DMTF1: variants seen among roughly 807,000 people sequenced by gnomAD.
The protein encoded by DMTF1 is cyclin-D-binding Myb-like transcription factor 1.
A neutral mutation model predicts 91.1 loss-of-function variants in DMTF1; 39 were observed. That is an observed-to-expected ratio of 0.43 (90% confidence interval 0.33 to 0.56). The LOEUF is 0.56. Ranked by LOEUF, DMTF1 falls within the 20% of genes least tolerant of loss-of-function variation. DMTF1 has a pLI of 0.05. For missense variants in DMTF1, 750 were observed against 914.5 expected (o/e 0.82, Z 2.32); for synonymous variants, 338 against 309.5 (o/e 1.09, Z -0.97).
At chr7:87,181,948 C>T (rs1797470822) in intron 9 of DMTF1, 1 of 1,261,294 alleles carries the variant, frequency 7.9e-7, no homozygotes, top group South Asian at 1.5e-5. Context: ...GAGATTGTGT[C>T]AGTAACCTGA....
intron 12 of DMTF1, chr7:87,186,667 C>A (rs953780233): frequency 7.2e-5 from 11 of 152,268 alleles, no homozygotes; most frequent in Non-Finnish European, 7.3e-5. Flanking sequence ...CATTGTGTTA[C>A]AGTTGCCTAC....
At chr7:87,165,522 T>C (rs1373441040) in intron 3 of DMTF1, among the ~76,000 whole-genome samples, 1 of 152,240 alleles carries the variant, frequency 6.6e-6, no homozygotes, top group Non-Finnish European at 1.5e-5. Context: ...TATTGTGCTC[T>C]GAAGTTCATC....
intron 1 of DMTF1, chr7:87,152,888 G>A (rs1307540503): frequency 2.6e-5 from 4 of 154,768 alleles, no homozygotes; most frequent in African/African-American, 9.6e-5. Context: ...GGGACCCCTG[G>A]GGGGTGGGGT....
intron 1 of DMTF1, among the ~76,000 whole-genome samples, chr7:87,159,094 T>C (rs1306612964): frequency 1.3e-5 from 2 of 152,148 alleles, no homozygotes; most frequent in Non-Finnish European, 2.9e-5. Context: ...TTCAGCCCAG[T>C]GTAACAAATT....
rs976194160 is a variant in DMTF1 at position 87,195,303 on chromosome 7, TA to T, written c.*166del. ...TGCTGCTATGACTTTTTACCTCCTTTAAACACATCATCTGAGGTTGAGTTTT... is the reference window on the plus strand; with the variant it reads ...TGCTGCTATGACTTTTTACCTCCTTTAACACATCATCTGAGGTTGAGTTTT... On this transcript the variant is annotated 3_prime_UTR_variant, in exon 18 of 18. Transcript: ENST00000331242. 1.3e-5 allele frequency: 7 copies of T among 558,766 alleles called. No individual in the cohort carries two copies. Among genetic ancestry groups the T allele is most frequent in the Non-Finnish European group, 2.2e-5 (7 of 314,048 alleles). The allele number at this position is 558,766 out of a possible 1,614,324, so 34.6% of individuals were successfully genotyped here.
At chr7:87,175,414 A>G (rs1796066194) in intron 7 of DMTF1, among the ~76,000 whole-genome samples, 1 of 152,070 alleles carries the variant, frequency 6.6e-6, no homozygotes, top group Non-Finnish European at 1.5e-5. Flanking sequence ...ATTCAGGTTT[A>G]TTTCTTATTA....
At chr7:87,164,730 C>A (rs189303019) in intron 2 of DMTF1, among the ~76,000 whole-genome samples, 1 of 152,270 alleles carries the variant, frequency 6.6e-6, no homozygotes, top group Non-Finnish European at 1.5e-5. Context: ...CAAACAGATT[C>A]TTTGAGATAT....
intron 3 of DMTF1, among the ~76,000 whole-genome samples, chr7:87,166,250 G>A (rs140924976): frequency 6.6e-6 from 1 of 152,248 alleles, no homozygotes; most frequent in East Asian, 1.9e-4. Flanking sequence ...TTTTCCCCGG[G>A]CTTCCCTTCT....
chr7:87,176,960 T>C (rs955634794), intron 7 of DMTF1, among the ~76,000 whole-genome samples: 2 of 152,124 alleles, frequency 1.3e-5, no homozygotes, highest in African/African-American at 4.8e-5. Flanking sequence ...ATCTTTCATC[T>C]CACTCTGTGG....
chr7:87,182,710 A>G (rs1400288260), intron 10 of DMTF1, among the ~76,000 whole-genome samples: 2 of 152,250 alleles, frequency 1.3e-5, no homozygotes, highest in African/African-American at 4.8e-5. Flanking sequence ...AGCAACAGCT[A>G]ATCAGTGAGT....
At chr7:87,163,936 G>C (rs1313265971) in intron 2 of DMTF1, among the ~76,000 whole-genome samples, 1 of 151,896 alleles carries the variant, frequency 6.6e-6, no homozygotes, top group East Asian at 1.9e-4. Context: ...CCAGCTATTC[G>C]GGTGGCTAAG....
rs765612067 is a variant in DMTF1 at position 87,193,313 on chromosome 7, C to G, written c.1610C>G (p.Ala537Gly). ...ASPTVTLTAA[A>G]PASPEQIIVH... ...CCCACAGTAACCCTGACAGCTGCTG[C>G]TCCTGCTTCTCCTGAACAGATTATT... The change falls in exon 15 of 18, where the codon GCT (alanine) becomes GGT (glycine). Residue 537 changes from alanine to glycine, a missense_variant. Ala to Gly is a moderately conservative substitution (Grantham distance 60, BLOSUM62 0). This residue lies in a region of DMTF1 where 410 missense variants were observed against 420.2 expected (regional missense o/e 0.98). Coordinates refer to ENST00000331242, the MANE Select transcript of DMTF1 (RefSeq NM_001142327.2). 1 of 1,613,412 alleles carries G rather than the reference C, an allele frequency of 6.2e-7. No individual in the cohort carries two copies. The highest frequency in any genetic ancestry group is 1.1e-5 in the South Asian group (1 of 91,056).
At chr7:87,159,018 A>G (rs1032685634) in intron 1 of DMTF1, among the ~76,000 whole-genome samples, 13 of 152,174 alleles carry the variant, frequency 8.5e-5, no homozygotes, top group African/African-American at 3.1e-4. Flanking sequence ...TTCTTTTAAA[A>G]AACAAGATTA....
chr7:87,170,926 A>G, intron 4 of DMTF1, 69 bp from the exon 5 acceptor site: 2 of 1,023,400 alleles, frequency 2.0e-6, no homozygotes, highest in Non-Finnish European at 3.0e-6. Flanking sequence ...TTTTTTTCCC[A>G]TGGATATTTT....
At chr7:87,160,267 T>TTGTCA (rs1791918624) in intron 1 of DMTF1, among the ~76,000 whole-genome samples, 1 of 151,724 alleles carries the variant, frequency 6.6e-6, no homozygotes, top group Non-Finnish European at 1.5e-5. Flanking sequence ...TATCAGTAGT[T>TTGTCA]TGTCATTTCT....
In DMTF1 at chr7:87,195,756, CT is replaced by C. The variant is rs1237074899; in HGVS notation, c.*620del. On this transcript the variant is annotated 3_prime_UTR_variant, in exon 18 of 18. Transcript: ENST00000331242. ...AAAATTCACTACAGGTTTTTTGTTA[CT>C]TTTAAAGGGAATATGGATAAGCATA... 6.6e-6 allele frequency: 1 copy of C among 152,414 alleles called. No homozygotes were observed. Among genetic ancestry groups the C allele is most frequent in the African/African-American group, 2.4e-5 (1 of 41,376 alleles). 9.4% of individuals were successfully genotyped at this position (152,414 alleles called of 1,614,324 possible). A position where few individuals can be genotyped will look rare whatever the true frequency, so the allele number is the denominator to read the frequency against.
intron 1 of DMTF1, among the ~76,000 whole-genome samples, chr7:87,156,072 C>T (rs1464034774): frequency 6.6e-6 from 1 of 152,076 alleles, no homozygotes; most frequent in Non-Finnish European, 1.5e-5. Context: ...TCTGGTGATA[C>T]TGTATATGTC....
chr7:87,186,703 A>C (rs1472373416), intron 12 of DMTF1: 2 of 152,246 alleles, frequency 1.3e-5, no homozygotes, highest in Non-Finnish European at 2.9e-5. Context: ...AACATGCTGT[A>C]AGGGTTTGTA....
chr7:87,191,021 T>A lies in DMTF1; in HGVS notation c.1488T>A (p.Ile496=). 6.3e-7 allele frequency: 1 copy of A among 1,596,526 alleles called. No homozygotes were observed. Residue 496 remains isoleucine, a synonymous_variant, in exon 14 of 18, where the codon ATT becomes ATA. Transcript: ENST00000331242. ...GTGGAACACTACAGACATTTGAGAT[T>A]CTTCCCGTGAGTAACGCTTCATATA... is the stretch of plus-strand genomic sequence containing the variant. ...LNSGTLQTFE[I]LPSFHLQPTG... is the part of the protein sequence containing the mutation.
Sources: gnomAD v4.1 joint callset for allele counts (sites outside exome capture counted in the v4.1 genomes callset) on GRCh38, gnomAD v4.1.1 for gene constraint, gnomAD v4.1.1 regional missense constraint, MANE v1.5 for transcripts, NCBI Gene and HGNC (gene_info 2026-07-23, HGNC 2026-07-21) for gene names.